The following TENM3 variants were observed in gnomAD, a reference collection of about 807,000 sequenced individuals.
The protein encoded by TENM3 is teneurin transmembrane protein 3, also known as teneurin-3.
In TENM3, 63 loss-of-function variants were observed where a neutral mutation model predicts 255.1. That is an observed-to-expected ratio of 0.25 (90% CI 0.20 to 0.30). The LOEUF is 0.30. Among genes scored for constraint, TENM3 ranks in the 10% least tolerant of loss-of-function variants. The probability of loss-of-function intolerance (pLI) is 1.00; values close to 1 mark genes in which losing one functional copy is unlikely to be tolerated. For missense variants in TENM3, 2,929 were observed against 3,461.1 expected (o/e 0.85, Z 3.86); for synonymous variants, 1,306 against 1,322.3 (o/e 0.99, Z 0.27).
At chr4:181,799,885 A>G in the TENM3 span, among the ~76,000 whole-genome samples, 1 of 152,190 alleles carries the variant, frequency 6.6e-6, no homozygotes, top group Admixed American at 6.5e-5. Flanking sequence ...CCTGTCTATT[A>G]GGAAGTGGGA....
At chr4:181,788,929 C>T in the TENM3 span, among the ~76,000 whole-genome samples, 1 of 152,180 alleles carries the variant, frequency 6.6e-6, no homozygotes, top group Non-Finnish European at 1.5e-5. Flanking sequence ...CCCATACCTG[C>T]ATAGCATGTA....
At chr4:181,678,385 A>G in the TENM3 span, among the ~76,000 whole-genome samples, 1 of 152,050 alleles carries the variant, frequency 6.6e-6, no homozygotes, top group Non-Finnish European at 1.5e-5. Context: ...GAGAAAATGC[A>G]TTTCCTGCAG....
chr4:182,242,035 T>A (rs1245873845), upstream of TENM3, among the ~76,000 whole-genome samples: 3 of 148,842 alleles, frequency 2.0e-5, no homozygotes, highest in African/African-American at 5.0e-5. Context: ...TTTTTTTTTT[T>A]ATTTTACTTT....
At chr4:181,523,426 A>T in the TENM3 span, among the ~76,000 whole-genome samples, 7 of 152,046 alleles carry the variant, frequency 4.6e-5, no homozygotes, top group African/African-American at 1.7e-4. Flanking sequence ...AATTAAAAAA[A>T]AAAAAAAGTT....
intron 2 of TENM3, among the ~76,000 whole-genome samples, chr4:182,333,752 T>C (rs1362438944): frequency 1.3e-5 from 2 of 152,196 alleles, no homozygotes; most frequent in Non-Finnish European, 2.9e-5. Context: ...AAATGATATA[T>C]ATTTTGGAAA....
At chr4:181,545,089 A>C in the TENM3 span, among the ~76,000 whole-genome samples, 1 of 152,224 alleles carries the variant, frequency 6.6e-6, no homozygotes, top group Non-Finnish European at 1.5e-5. Context: ...TACATCAGTG[A>C]CACACACTCC....
the TENM3 span, among the ~76,000 whole-genome samples, chr4:181,715,933 A>G: frequency 1.3e-5 from 2 of 152,208 alleles, no homozygotes; most frequent in African/African-American, 4.8e-5. Context: ...TCCACTGTTC[A>G]TCAGTCACAT....
chr4:182,412,479 G>A (rs1347542589), intron 3 of TENM3, among the ~76,000 whole-genome samples: 3 of 152,062 alleles, frequency 2.0e-5, no homozygotes, highest in Non-Finnish European at 4.4e-5. Flanking sequence ...TGGAAGATGA[G>A]TTCACTGCAT....
At chr4:182,606,388 G>A (rs997536303) in intron 4 of TENM3, among the ~76,000 whole-genome samples, 1 of 151,992 alleles carries the variant, frequency 6.6e-6, no homozygotes, top group Non-Finnish European at 1.5e-5. Flanking sequence ...GCCAGGCGGG[G>A]TGGTGGGCAC....
the TENM3 span, among the ~76,000 whole-genome samples, chr4:181,647,582 G>A: frequency 6.6e-6 from 1 of 152,038 alleles, no homozygotes; most frequent in Non-Finnish European, 1.5e-5. Context: ...CGAAACAGCC[G>A]CAAGATAAAA....
intron 1 of TENM3, among the ~76,000 whole-genome samples, chr4:182,268,172 C>T (rs1298998409): frequency 6.6e-6 from 1 of 152,144 alleles, no homozygotes; most frequent in African/African-American, 2.4e-5. Context: ...GAATATATTG[C>T]TGATATACTC....
the TENM3 span, among the ~76,000 whole-genome samples, chr4:181,943,422 T>C: frequency 2.0e-5 from 3 of 152,148 alleles, no homozygotes; most frequent in African/African-American, 7.2e-5. Context: ...CAAAAATTGT[T>C]TCTGACTCCA....
At chr4:182,380,655 C>A (rs1471276683) in intron 3 of TENM3, among the ~76,000 whole-genome samples, 3 of 152,250 alleles carry the variant, frequency 2.0e-5, no homozygotes, top group African/African-American at 4.8e-5. Flanking sequence ...CACATAAAAA[C>A]CAACAATAGA....
chr4:182,283,795 G>T (rs1364133497), intron 1 of TENM3, among the ~76,000 whole-genome samples: 1 of 152,176 alleles, frequency 6.6e-6, no homozygotes, highest in Non-Finnish European at 1.5e-5. Flanking sequence ...AGTCATTTTT[G>T]AATGGAGGTG....
At chr4:182,255,433 C>A (rs750990024) in intron 1 of TENM3, among the ~76,000 whole-genome samples, 1 of 152,180 alleles carries the variant, frequency 6.6e-6, no homozygotes, top group Non-Finnish European at 1.5e-5. Context: ...CTCGTTCACT[C>A]CCCTAGCATT....
In TENM3 at chr4:182,773,604, T is replaced by G; in HGVS notation, c.5025T>G (p.Thr1675=). 1 of 1,613,744 alleles carries G rather than the reference T, an allele frequency of 6.2e-7. No homozygotes were observed. The highest frequency in any genetic ancestry group is 1.1e-5 in the South Asian group (1 of 90,980). ...SSSREEDVSI[T]SNLSSIDSFY... is the part of the protein sequence containing the mutation. Reference sequence around the variant, plus strand: ...GCCGAGAAGAAGATGTCAGCATCACTTCAAATCTGTCCTCGATCGATTCTT... The same window carrying G: ...GCCGAGAAGAAGATGTCAGCATCACGTCAAATCTGTCCTCGATCGATTCTT... The change falls in exon 23 of 28, where the codon ACT becomes ACG. Residue 1675 remains threonine (T), a synonymous_variant. Transcript: ENST00000511685.
chr4:182,480,118 T>C (rs558200861), intron 3 of TENM3, among the ~76,000 whole-genome samples: 8 of 152,166 alleles, frequency 5.3e-5, no homozygotes, highest in African/African-American at 1.9e-4. Flanking sequence ...TTACGATCTA[T>C]ATTATTGTAG....
chr4:181,979,086 A>T, the TENM3 span, among the ~76,000 whole-genome samples: 2 of 112,870 alleles, frequency 1.8e-5, no homozygotes, highest in South Asian at 3.0e-4. Flanking sequence ...TATATGCTAC[A>T]TTAAGCCTGA....
Position 182,652,580 on chromosome 4 carries a change from G to A in TENM3, c.989-1191G>A, listed in dbSNP as rs138310802. Among the ~76,000 whole-genome samples, 722 of 152,168 alleles carry A rather than the reference G, an allele frequency of 4.7e-3. 4 individuals are homozygous for A. The highest frequency in any genetic ancestry group is 7.8e-3 in the Non-Finnish European group (530 of 67,990). On this transcript the variant is annotated intron_variant, in intron 5 of 27. Coordinates refer to ENST00000511685, the MANE Select transcript of TENM3 (RefSeq NM_001080477.4). The stretch of plus-strand genomic sequence containing the variant: ...TAACAATATCACGTAATTTATCCAA[G>A]GCTAAATTCTAGACTGAAGATTGAA...
Sources: gnomAD v4.1 joint callset for allele counts (sites outside exome capture counted in the v4.1 genomes callset) on GRCh38, gnomAD v4.1.1 for gene constraint, MANE v1.5 for transcripts, NCBI Gene and HGNC (gene_info 2026-07-23, HGNC 2026-07-21) for gene names.